Variants in ARHGEF18 observed in about 807,000 individuals in gnomAD.
ARHGEF18 encodes the protein rho guanine nucleotide exchange factor 18.
Under a neutral mutation model 155.7 loss-of-function variants are expected in ARHGEF18, and 93 were observed. The ratio of observed to expected loss-of-function variants is 0.60; its 90% confidence interval spans 0.50 to 0.71. The LOEUF (loss-of-function observed/expected upper bound fraction) is 0.71, where lower values mean the gene tolerates loss of function less well. Among genes scored for constraint, ARHGEF18 ranks in the 30% least tolerant of loss-of-function variants. The pLI is 0.00. For synonymous variants in ARHGEF18, 742 were observed against 753.1 expected, an observed-to-expected ratio of 0.99 and a Z score of 0.24; for missense variants, 1,593 against 1,816.1, an observed-to-expected ratio of 0.88 and a Z score of 2.23.
At chr19:7,387,139 TTTGTTG>T (rs199753558) in intron 10 of ARHGEF18, among the ~76,000 whole-genome samples, 1 of 151,980 alleles carries the variant, frequency 6.6e-6, no homozygotes, top group East Asian at 1.9e-4. Flanking sequence ...ATCACCTGTT[TTTGTTG>T]TTGTTGTTGT....
chr19:7,440,446 C>A lies in ARHGEF18; in HGVS notation c.1070C>A (p.Pro357Gln), dbSNP rs28489511. 2,748 of 1,600,826 alleles carry A rather than the reference C, an allele frequency of 1.7e-3. 37 individuals are homozygous for A. The African/African-American group carries it at 0.031, about 18-fold the overall frequency. The change falls in exon 11 of 29, where the codon CCA becomes CAA. Residue 357 changes from proline to glutamine, a missense_variant. Transcript: ENST00000668164. The surrounding 1 kb of genome is among the most constrained non-coding windows in gnomAD (Gnocchi z 5.4). ...GTCTCTCAGAAAGGGGGTCCCCAGC[C>A]AACACCGAGCCCGGCTGGCCCTGGG... ...MTVSQKGGPQ[P>Q]TPSPAGPGTQ...
Position 7,383,059 on chromosome 19 carries a change from CA to C in ARHGEF18, c.826-2del, listed in dbSNP as rs1424077750. ...TCCTGAGACCCACCTCTGTCCCATCCAGGGGAAGAGCCCAGCACATCTGAAG... is the reference window on the plus strand; with the variant it reads ...TCCTGAGACCCACCTCTGTCCCATCCGGGGAAGAGCCCAGCACATCTGAAG... On this transcript the variant is annotated splice_acceptor_variant, in intron 9 of 28. Transcript: ENST00000668164. LOFTEE classifies it high-confidence loss of function. 2.0e-5 allele frequency: 25 copies of C among 1,232,256 alleles called. 1 individual carries two copies. Among genetic ancestry groups the C allele is most frequent in the East Asian group, 3.2e-5 (1 of 31,710 alleles). The allele number at this position is 1,232,256 out of a possible 1,614,324, so 76.3% of individuals were successfully genotyped here.
intron 15 of ARHGEF18, among the ~76,000 whole-genome samples, chr19:7,447,751 C>T (rs966170403): frequency 9.5e-4 from 145 of 151,942 alleles, no homozygotes; most frequent in Non-Finnish European, 4.0e-4. Flanking sequence ...TCCAGCACTT[C>T]GAGAGGCCAA....
At chr19:7,437,875 T>A (rs1282373644) in intron 10 of ARHGEF18, among the ~76,000 whole-genome samples, 1 of 151,910 alleles carries the variant, frequency 6.6e-6, no homozygotes, top group Non-Finnish European at 1.5e-5. Flanking sequence ...AATCCTGACC[T>A]CAGGTGATCC....
At chr19:7,363,836 G>A (rs1189168900) in intron 2 of ARHGEF18, among the ~76,000 whole-genome samples, 2 of 150,892 alleles carry the variant, frequency 1.3e-5, no homozygotes, top group African/African-American at 4.9e-5. Flanking sequence ...GGATGGATGA[G>A]AAGAAGGGTG....
At chr19:7,468,748 T>G (rs1483712130) in intron 26 of ARHGEF18, 77 bp from the exon 27 acceptor site, 1 of 1,419,412 alleles carries the variant, frequency 7.0e-7, no homozygotes, top group Non-Finnish European at 9.4e-7. Context: ...GGGTCTCCTG[T>G]GCACGACCCT....
At chr19:7,361,712 G>A (rs1220319224) in intron 1 of ARHGEF18, among the ~76,000 whole-genome samples, 1 of 152,002 alleles carries the variant, frequency 6.6e-6, no homozygotes, top group African/African-American at 2.4e-5. Context: ...TAAAGCACTG[G>A]CCGGGCACCG....
the ARHGEF18 span, among the ~76,000 whole-genome samples, chr19:7,478,897 T>C: frequency 6.6e-6 from 1 of 152,158 alleles, no homozygotes; most frequent in Non-Finnish European, 1.5e-5. Flanking sequence ...GGCTGGCATC[T>C]GCAGGCTGAG....
the ARHGEF18 span, among the ~76,000 whole-genome samples, chr19:7,479,285 A>C: frequency 3.9e-5 from 6 of 152,144 alleles, no homozygotes; most frequent in African/African-American, 1.4e-4. Flanking sequence ...GGAGTTCAAG[A>C]CTAGCCTGGC....
At chr19:7,439,287 C>CCA (rs1555720526) in intron 10 of ARHGEF18, among the ~76,000 whole-genome samples, 2 of 150,982 alleles carry the variant, frequency 1.3e-5, no homozygotes, top group African/African-American at 4.9e-5. Context: ...GAGACCCCCC[C>CCA]CCAACCTCTA....
At position 7,458,512 on chromosome 19, in the gene ARHGEF18, G is replaced by T; in HGVS notation, c.2182G>T (p.Asp728Tyr). Residue 728 changes from aspartate to tyrosine, a missense_variant and splice_region_variant, in exon 19 of 29, where the codon GAC (aspartate) becomes TAC (tyrosine). By Grantham distance (160) the Asp-to-Tyr change is radical. Coordinates refer to ENST00000668164, the MANE Select transcript of ARHGEF18 (RefSeq NM_001367823.1). ...TCCCCAATGCCCTCTACTCATGCAGGACTCAAAGCCACCCGTCATCTCGTT... is the reference window on the plus strand; with the variant it reads ...TCCCCAATGCCCTCTACTCATGCAGTACTCAAAGCCACCCGTCATCTCGTT... The part of the protein sequence containing the change: ...KDQKYVFASV[D>Y]SKPPVISLQK... 6.2e-7 allele frequency: 1 copy of T among 1,613,852 alleles called. No individual in the cohort carries two copies. Among genetic ancestry groups the T allele is most frequent in the Non-Finnish European group, 8.5e-7 (1 of 1,179,828 alleles).
At chr19:7,378,842 G>A (rs556936998) in intron 6 of ARHGEF18, among the ~76,000 whole-genome samples, 4 of 151,970 alleles carry the variant, frequency 2.6e-5, no homozygotes, top group East Asian at 1.9e-4. Context: ...ACAGGCGCCC[G>A]CCACCACGCC....
rs184986345 is a variant in ARHGEF18 at position 7,425,941 on chromosome 19, A to G, written c.968-14403A>G. Among the ~76,000 whole-genome samples the G allele has an allele frequency of 1.7e-3, 263 of 152,082 alleles. 1 individual carries two copies. Among genetic ancestry groups the G allele is most frequent in the African/African-American group, 5.9e-3 (244 of 41,496 alleles). On this transcript the variant is annotated intron_variant, in intron 10 of 28. Transcript: ENST00000668164. ...TTTGAACTCAGGAGTTCGAGGCTACAGTGACCTATGAATGCACCACTGCAC... is the reference window on the plus strand; with the variant it reads ...TTTGAACTCAGGAGTTCGAGGCTACGGTGACCTATGAATGCACCACTGCAC...
At position 7,391,215 on chromosome 19, in the gene ARHGEF18, C is replaced by T. The variant is rs534176134; in HGVS notation, c.967+8012C>T. Among the ~76,000 whole-genome samples, 3 of 152,184 alleles carry T rather than the reference C, an allele frequency of 2.0e-5. No homozygotes were observed. The East Asian group carries it at 5.8e-4, about 29-fold the overall frequency. On this transcript the variant is annotated intron_variant, in intron 10 of 28. Transcript: ENST00000668164. ...CAAGGTATAACTCCCCACAGGCCTA[C>T]CTGCTTTTAAAGGTATTCAAAGTCA...
chr19:7,374,664 C>T (rs762897866), intron 3 of ARHGEF18, among the ~76,000 whole-genome samples: 42 of 146,254 alleles, frequency 2.9e-4, no homozygotes, highest in South Asian at 4.4e-4. Flanking sequence ...GGCGACAGAG[C>T]GAGACTCTGT....
chr19:7,429,929 A>G (rs1357093130), intron 10 of ARHGEF18, among the ~76,000 whole-genome samples: 1 of 146,390 alleles, frequency 6.8e-6, no homozygotes, highest in Non-Finnish European at 1.5e-5. Context: ...TCCTGGAAGT[A>G]CTTTTTTTTT....
At position 7,380,967 on chromosome 19, in the gene ARHGEF18, A is replaced by T. The variant is rs1970706327; in HGVS notation, c.695A>T (p.Asn232Ile). Residue 232 changes from asparagine (N) to isoleucine (I), a missense_variant, in exon 8 of 29, where the codon AAC (asparagine) becomes ATC (isoleucine). Transcript: ENST00000668164. Reference sequence around the variant, plus strand: ...GCCAGCCCCGGAGGAGCCCACTCGAACCTGACCTGGTTTGAATTCCTGTCG... The same window carrying T: ...GCCAGCCCCGGAGGAGCCCACTCGATCCTGACCTGGTTTGAATTCCTGTCG... ...MSASPGGAHS[N>I]LTWFEFLSES... is the part of the protein sequence containing the mutation. 1.2e-5 allele frequency: 15 copies of T among 1,232,038 alleles called. No individual in the cohort carries two copies. Among genetic ancestry groups the T allele is most frequent in the Non-Finnish European group, 1.5e-5 (15 of 988,008 alleles). The allele number at this position is 1,232,038 out of a possible 1,614,324, so 76.3% of individuals were successfully genotyped here. A position where few individuals can be genotyped will look rare whatever the true frequency, so the allele number is the denominator to read the frequency against.
intron 10 of ARHGEF18, among the ~76,000 whole-genome samples, chr19:7,427,168 G>C (rs1343073288): frequency 6.6e-6 from 1 of 152,126 alleles, no homozygotes; most frequent in Non-Finnish European, 1.5e-5. Context: ...GATGTTTTAG[G>C]GCCCAATTCA....
chr19:7,474,540 G>GTTTTTTTT (rs1977173997), downstream of ARHGEF18, among the ~76,000 whole-genome samples: 1 of 151,740 alleles, frequency 6.6e-6, no homozygotes, highest in South Asian at 2.1e-4. Context: ...CATCATGCCC[G>GTTTTTTTT]GCTAATTTTT....
Sources: gnomAD v4.1 joint callset for allele counts (sites outside exome capture counted in the v4.1 genomes callset) on GRCh38, gnomAD v4.1.1 for gene constraint, Gnocchi (gnomAD v3.1) non-coding constraint, MANE v1.5 for transcripts, NCBI Gene and HGNC (gene_info 2026-07-23, HGNC 2026-07-21) for gene names.